Variants in HYKK observed in about 807,000 individuals in gnomAD.
The protein encoded by HYKK is 5-hydroxy-L-lysine kinase.
A neutral mutation model predicts 29.7 loss-of-function variants in HYKK; 19 were observed. That is an observed-to-expected ratio of 0.64 (90% CI 0.45 to 0.94). The LOEUF is 0.94. Among genes scored for constraint, HYKK ranks in the 40% least tolerant of loss-of-function variants. The probability of loss-of-function intolerance (pLI) is 0.00; values close to 1 mark genes in which losing one functional copy is unlikely to be tolerated. For synonymous variants in HYKK, 152 were observed against 158.1 expected (o/e 0.96, Z 0.29); for missense variants, 390 against 443.4 (o/e 0.88, Z 1.08).
intron 4 of HYKK, among the ~76,000 whole-genome samples, chr15:78,531,476 A>T (rs560489026): frequency 6.6e-6 from 1 of 152,264 alleles, no homozygotes; most frequent in South Asian, 2.1e-4. Flanking sequence ...TAATCCTACT[A>T]TGATTACAGA....
intron 3 of HYKK, chr15:78,518,893 C>T (rs547536974): frequency 8.1e-6 from 1 of 123,772 alleles, no homozygotes; most frequent in African/African-American, 3.1e-5. Context: ...CCAGCCTGGA[C>T]AAGACAGAGC....
chr15:78,515,389 G>T (rs1321454727), intron 3 of HYKK, among the ~76,000 whole-genome samples: 1 of 152,046 alleles, frequency 6.6e-6, no homozygotes, highest in African/African-American at 2.4e-5. Context: ...TTTGAGACCA[G>T]CCTGGCCAAC....
intron 3 of HYKK, among the ~76,000 whole-genome samples, chr15:78,526,144 A>G (rs1397119653): frequency 6.6e-6 from 1 of 152,214 alleles, no homozygotes; most frequent in East Asian, 1.9e-4. Flanking sequence ...GTCAAAGTCT[A>G]AAGGCCCTTC....
rs1332276332 is a variant in HYKK, at chr15:78,529,941, G to A, written c.661+2378G>A. On this transcript the variant is annotated intron_variant, in intron 4 of 4. Coordinates refer to ENST00000388988, the MANE Select transcript of HYKK (RefSeq NM_001013619.4). ...CAGCTTCGACCTCCTGGGCCCAAGC[G>A]ATCCTCCCACCTCAGACTCCCAAGT... 4.6e-5 allele frequency among the ~76,000 whole-genome samples: 7 copies of A among 151,692 alleles called. No homozygotes were observed. In the East Asian group the frequency reaches 7.8e-4, roughly 17 times the overall value.
intron 1 of HYKK, among the ~76,000 whole-genome samples, chr15:78,509,900 C>T (rs2052054154): frequency 6.6e-6 from 1 of 152,130 alleles, no homozygotes; most frequent in Admixed American, 6.5e-5. Context: ...ACATGATTGT[C>T]AAGAAGGCAT....
At chr15:78,527,677 A>G (rs2052269558) in intron 4 of HYKK, 114 bp downstream of exon 4, 6 of 1,452,690 alleles carry the variant, frequency 4.1e-6, no homozygotes, top group Non-Finnish European at 5.4e-6. Flanking sequence ...ATTTTGCCAT[A>G]TTTGCTCCTA....
rs3053647 is a variant in HYKK, at chr15:78,536,298, TACAC to T, written c.*2658_*2661del. The T allele has an allele frequency of 0.28, 41,947 of 148,968 alleles. 6,117 individuals carry two copies. The highest frequency in any genetic ancestry group is 0.43 in the Admixed American group (6,379 of 14,954). The allele number at this position is 148,968 out of a possible 1,614,324, so 9.2% of individuals were successfully genotyped here. A position where few individuals can be genotyped will look rare whatever the true frequency, so the allele number is the denominator to read the frequency against. ...CCTCTCCCTCCTCTCCTGTCCCTGC[TACAC>T]ACACACACACACACACACACACACA... On this transcript the variant is annotated 3_prime_UTR_variant, in exon 5 of 5. Coordinates refer to ENST00000388988, the MANE Select transcript of HYKK (RefSeq NM_001013619.4).
At chr15:78,515,284 A>G (rs940545239) in intron 3 of HYKK, among the ~76,000 whole-genome samples, 177 bp downstream of exon 3, 1 of 152,130 alleles carries the variant, frequency 6.6e-6, no homozygotes, top group Admixed American at 6.5e-5. Context: ...ACTTCTACCT[A>G]ACTCTTACTG....
At chr15:78,526,169 TTTAA>T (rs2052252718) in intron 3 of HYKK, among the ~76,000 whole-genome samples, 1 of 152,344 alleles carries the variant, frequency 6.6e-6, no homozygotes, top group East Asian at 1.9e-4. Flanking sequence ...TCCAGAATTT[TTTAA>T]TTCTAAGAAC....
intron 1 of HYKK, among the ~76,000 whole-genome samples, chr15:78,508,871 C>CTA (rs1491578846): frequency 2.5e-5 from 1 of 39,432 alleles, no homozygotes; most frequent in East Asian, 5.9e-4. Context: ...TAGTGGGACC[C>CTA]TCTCTCTCCA....
chr15:78,523,590 C>T (rs935870482), intron 3 of HYKK, among the ~76,000 whole-genome samples: 21 of 152,128 alleles, frequency 1.4e-4, no homozygotes, highest in Non-Finnish European at 7.4e-5. Flanking sequence ...CTCAACAGTC[C>T]CCCAAAATTT....
At chr15:78,519,345 T>C (rs1465765169) in intron 3 of HYKK, among the ~76,000 whole-genome samples, 4 of 152,250 alleles carry the variant, frequency 2.6e-5, no homozygotes, top group African/African-American at 9.6e-5. Context: ...TTTGAGCAAA[T>C]TCATTTGTGG....
chr15:78,512,510 TCCTG>T (rs1461996534), intron 1 of HYKK, among the ~76,000 whole-genome samples: 1 of 150,608 alleles, frequency 6.6e-6, no homozygotes, highest in Non-Finnish European at 1.5e-5. Context: ...CAAGTGATTC[TCCTG>T]CCTCAGCCTC....
intron 3 of HYKK, among the ~76,000 whole-genome samples, chr15:78,517,018 C>CA (rs1348601146): frequency 4.9e-5 from 7 of 143,420 alleles, no homozygotes; most frequent in Admixed American, 1.4e-4. Flanking sequence ...GACCTTGTCT[C>CA]AAAAAAAAAG....
At chr15:78,517,875 G>GTAC (rs1348650856) in intron 3 of HYKK, among the ~76,000 whole-genome samples, 1 of 152,176 alleles carries the variant, frequency 6.6e-6, no homozygotes, top group Non-Finnish European at 1.5e-5. Flanking sequence ...TGCGTGCCAT[G>GTAC]TACTCTTCCC....
chr15:78,514,906 C>CTATATATA (rs986814516), intron 2 of HYKK, 62 bp from the exon 3 acceptor site: 4 of 505,296 alleles, frequency 7.9e-6, no homozygotes, highest in Admixed American at 5.1e-5. Flanking sequence ...CTCTCTCTCT[C>CTATATATA]TCTATATATA....
rs1006203209 is a variant in HYKK at position 78,527,490 on chromosome 15, C to T, written c.588C>T (p.Asn196=). The change falls in exon 4 of 5, where the codon AAC becomes AAT. Residue 196 remains asparagine (N), a synonymous_variant. Coordinates refer to ENST00000388988, the MANE Select transcript of HYKK (RefSeq NM_001013619.4). Reference sequence around the variant, plus strand: ...TGTATGCCCTGGGCCAGAATCGAAACCGAGAGATTGTTGAGCATGTCATTC... The same window carrying T: ...TGTATGCCCTGGGCCAGAATCGAAATCGAGAGATTGTTGAGCATGTCATTC... ...KYLYALGQNR[N]REIVEHVIHL... is the part of the protein sequence containing the mutation. 12 of 1,614,084 alleles carry T rather than the reference C, an allele frequency of 7.4e-6. No homozygotes were observed. The highest frequency in any genetic ancestry group is 1.0e-5 in the Non-Finnish European group (12 of 1,180,006).
At chr15:78,508,350 G>A (rs1353631879) in intron 1 of HYKK, among the ~76,000 whole-genome samples, 1 of 152,148 alleles carries the variant, frequency 6.6e-6, no homozygotes, top group African/African-American at 2.4e-5. Flanking sequence ...GCAGCAAAAG[G>A]GAATGTAGGA....
intron 2 of HYKK, 62 bp from the exon 3 acceptor site, chr15:78,514,906 C>CTA (rs986814516): frequency 9.9e-6 from 5 of 505,288 alleles, no homozygotes; most frequent in African/African-American, 7.6e-5. Context: ...CTCTCTCTCT[C>CTA]TCTATATATA....
Sources: allele counts gnomAD v4.1 joint callset (sites outside exome capture counted in the v4.1 genomes callset), GRCh38; gene constraint gnomAD v4.1.1; transcripts MANE v1.5; gene names NCBI Gene and HGNC (gene_info 2026-07-23, HGNC 2026-07-21).